The following DROSHA variants were observed in gnomAD, a reference collection of about 807,000 sequenced individuals.
The protein encoded by DROSHA is drosha ribonuclease III, also known as ribonuclease 3.
Under a neutral mutation model 181.9 loss-of-function variants are expected in DROSHA, and 56 were observed. The observed-to-expected ratio is 0.31, with a 90% CI of 0.25 to 0.38. The LOEUF is 0.38. Ranked by LOEUF, DROSHA falls within the 10% of genes least tolerant of loss-of-function variation. DROSHA has a pLI of 1.00. For synonymous variants in DROSHA, 524 were observed against 591.2 expected, an observed-to-expected ratio of 0.89 and a Z score of 1.65; for missense variants, 1,218 against 1,743.5, an observed-to-expected ratio of 0.70 and a Z score of 5.37.
intron 19 of DROSHA, 130 bp from the exon 20 acceptor site, chr5:31,464,473 T>G: frequency 1.3e-6 from 1 of 776,672 alleles, no homozygotes; most frequent in South Asian, 1.8e-5. Context: ...AACCTCTTCA[T>G]ACAAAATTAC....
intron 35 of DROSHA, among the ~76,000 whole-genome samples, chr5:31,402,973 G>C (rs1378485474): frequency 1.3e-5 from 2 of 152,130 alleles, no homozygotes; most frequent in South Asian, 4.1e-4. Context: ...AGTCGAGATG[G>C]GGTTTCGCCA....
At chr5:31,520,288 A>G (rs1384349602) in intron 6 of DROSHA, among the ~76,000 whole-genome samples, 5 of 152,180 alleles carry the variant, frequency 3.3e-5, no homozygotes. Flanking sequence ...AATGTTATGT[A>G]GATTTTTCTT....
At chr5:31,519,752 A>C (rs1739674669) in intron 6 of DROSHA, among the ~76,000 whole-genome samples, 1 of 152,192 alleles carries the variant, frequency 6.6e-6, no homozygotes. Context: ...TTTTACTCAC[A>C]TATGGATGCT....
At chr5:31,521,087 T>C in intron 6 of DROSHA, 36 bp downstream of exon 6, 1 of 1,603,322 alleles carries the variant, frequency 6.2e-7, no homozygotes, top group East Asian at 2.2e-5. Context: ...AAGGAGATAA[T>C]CCTATGACTT....
At chr5:31,449,164 T>C in intron 22 of DROSHA, 117 bp downstream of exon 22, 1 of 1,298,560 alleles carries the variant, frequency 7.7e-7, no homozygotes, top group Non-Finnish European at 1.0e-6. Flanking sequence ...CAGTAAGCAC[T>C]AGAATATGAG....
At chr5:31,446,725 C>T (rs149590937) in intron 23 of DROSHA, among the ~76,000 whole-genome samples, 220 of 150,892 alleles carry the variant, frequency 1.5e-3, no homozygotes, top group Middle Eastern at 3.4e-3. Flanking sequence ...ACCTAAATGC[C>T]CTTCAGTGAT....
chr5:31,452,751 C>A (rs1217648036), intron 20 of DROSHA, among the ~76,000 whole-genome samples: 4 of 152,166 alleles, frequency 2.6e-5, no homozygotes, highest in African/African-American at 4.8e-5. Flanking sequence ...ACAAAAAAAT[C>A]TTTCTTGCCA....
intron 35 of DROSHA, among the ~76,000 whole-genome samples, chr5:31,404,682 CTA>C (rs1234771075): frequency 1.1e-4 from 17 of 152,136 alleles, no homozygotes; most frequent in Non-Finnish European, 4.4e-5. Context: ...TTACAAAAGA[CTA>C]TGCAGTTTCC....
chr5:31,481,032 T>C (rs1750974430), intron 16 of DROSHA, among the ~76,000 whole-genome samples: 1 of 148,278 alleles, frequency 6.7e-6, no homozygotes, highest in African/African-American at 2.4e-5. Flanking sequence ...AATCATATAC[T>C]AGTAGATGAC....
intron 18 of DROSHA, 179 bp downstream of exon 18, chr5:31,467,760 G>T: frequency 1.2e-6 from 1 of 813,280 alleles, no homozygotes; most frequent in Non-Finnish European, 1.8e-6. Context: ...AATATGTACA[G>T]AAAATAATTC....
chr5:31,401,345 T>C lies in DROSHA; in HGVS notation c.*87A>G, dbSNP rs780966031. 1.3e-6 allele frequency: 2 copies of C among 1,546,024 alleles called. No individual in the cohort carries two copies. Among genetic ancestry groups the C allele is most frequent in the East Asian group, 2.4e-5 (1 of 42,134 alleles). Reference sequence around the variant, plus strand: ...TATTTCAATGAGCACACTTCATTCATTGTCTGCAGGAAAACTAGGCTAGGT... The same window carrying C: ...TATTTCAATGAGCACACTTCATTCACTGTCTGCAGGAAAACTAGGCTAGGT... On this transcript the variant is annotated 3_prime_UTR_variant, in exon 36 of 36. Transcript: ENST00000344624.
intron 30 of DROSHA, among the ~76,000 whole-genome samples, chr5:31,412,879 G>A (rs1741483353): frequency 6.6e-6 from 1 of 152,142 alleles, no homozygotes; most frequent in Admixed American, 6.6e-5. Context: ...ATGGGGACGG[G>A]GAGCTTTCCT....
chr5:31,418,218 GGTGT>G (rs746849120), intron 30 of DROSHA, among the ~76,000 whole-genome samples: 62 of 149,436 alleles, frequency 4.1e-4, no homozygotes, highest in African/African-American at 1.4e-3. Flanking sequence ...ATGTGTGTGT[GGTGT>G]GTGTGTGTGT....
chr5:31,469,899 C>G (rs898324122), intron 17 of DROSHA, among the ~76,000 whole-genome samples: 2 of 152,132 alleles, frequency 1.3e-5, no homozygotes, highest in East Asian at 1.9e-4. Context: ...TTAAAGTGAC[C>G]ATAATGGCTT....
At chr5:31,464,932 A>G (rs2150024969) in intron 19 of DROSHA, among the ~76,000 whole-genome samples, 1 of 152,260 alleles carries the variant, frequency 6.6e-6, no homozygotes, top group East Asian at 1.9e-4. Flanking sequence ...CTGAATCAAA[A>G]TCTCATAGGA....
intron 12 of DROSHA, 95 bp downstream of exon 12, chr5:31,495,191 A>G (rs1752832248): frequency 1.5e-6 from 2 of 1,323,250 alleles, no homozygotes; most frequent in Admixed American, 4.6e-5. Context: ...TTTCAAAGTA[A>G]GAACATTTGA....
At position 31,493,216 on chromosome 5, in the gene DROSHA, G is replaced by C. The variant is rs757355482; in HGVS notation, c.1833C>G (p.Pro611=). ...ACTGGCACATACTTACATTGGTCAGGGGGGCATGTGCAAACATAGAAAATC... is the reference window on the plus strand; with the variant it reads ...ACTGGCACATACTTACATTGGTCAGCGGGGCATGTGCAAACATAGAAAATC... The part of the protein sequence containing the change: ...FEGFSMFAHA[P]LTNIPLCKVI... Residue 611 remains proline, a synonymous_variant, in exon 13 of 36, where the codon CCC becomes CCG. Transcript: ENST00000344624. The C allele has an allele frequency of 1.4e-5, 23 of 1,606,172 alleles. No individual in the cohort carries two copies. The highest frequency in any genetic ancestry group is 3.4e-5 in the Admixed American group (2 of 58,906).
chr5:31,406,873 T>C lies in DROSHA; in HGVS notation c.3927A>G (p.Ile1309Met), dbSNP rs147180304. Residue 1309 changes from isoleucine to methionine, a missense_variant, in exon 34 of 36, where the codon ATA (isoleucine) becomes ATG (methionine). Around this residue, in one of 8 missense-constraint regions of DROSHA, gnomAD observed 48 missense variants for 124.9 expected, o/e 0.38. Transcript: ENST00000344624. ...TVAVYFKGER[I>M]GCGKGPSIQQ... ...CATACCTTGGTCCTTTCCCACAGCC[T>C]ATTCTTTCTCCCTTGAAATAAACAG... 1 of 1,613,662 alleles carries C rather than the reference T, an allele frequency of 6.2e-7. No homozygotes were observed. The highest frequency in any genetic ancestry group is 8.5e-7 in the Non-Finnish European group (1 of 1,179,726).
chr5:31,451,003 ACCAGCCTGG>A (rs1463051267), intron 21 of DROSHA, among the ~76,000 whole-genome samples: 3 of 152,164 alleles, frequency 2.0e-5, no homozygotes, highest in African/African-American at 7.2e-5. Context: ...GAAGTTCGAG[ACCAGCCTGG>A]CCAACATGGC....
Sources: allele counts gnomAD v4.1 joint callset (sites outside exome capture counted in the v4.1 genomes callset), GRCh38; gene constraint gnomAD v4.1.1; regional missense constraint gnomAD v4.1.1; transcripts MANE v1.5; gene names NCBI Gene and HGNC (gene_info 2026-07-23, HGNC 2026-07-21).